Variants in PTPRT observed in about 807,000 individuals in gnomAD.
The protein encoded by PTPRT is receptor-type tyrosine-protein phosphatase T.
Under a neutral mutation model 176.8 loss-of-function variants are expected in PTPRT, and 56 were observed. That is an observed-to-expected ratio of 0.32 (90% CI 0.26 to 0.40). The LOEUF (loss-of-function observed/expected upper bound fraction) is 0.40. Ranked by LOEUF, PTPRT falls within the 10% of genes least tolerant of loss-of-function variation. PTPRT has a pLI of 1.00. For synonymous variants in PTPRT, 783 were observed against 739.0 expected, an observed-to-expected ratio of 1.06 and a Z score of -0.96; for missense variants, 1,540 against 1,908.2, an observed-to-expected ratio of 0.81 and a Z score of 3.60.
At chr20:42,329,418 C>T (rs147999277) in intron 11 of PTPRT, among the ~76,000 whole-genome samples, 29 of 151,782 alleles carry the variant, frequency 1.9e-4, no homozygotes, top group African/African-American at 7.0e-4. Flanking sequence ...GATACAGACA[C>T]AGTGACCAAC....
chr20:42,839,432 CT>C (rs2078239548), intron 2 of PTPRT, among the ~76,000 whole-genome samples: 1 of 151,962 alleles, frequency 6.6e-6, no homozygotes, highest in Admixed American at 6.6e-5. Context: ...TAAGAAATGG[CT>C]TTTTGAGCCA....
chr20:42,589,906 T>C (rs2073539158), intron 7 of PTPRT, among the ~76,000 whole-genome samples: 1 of 152,162 alleles, frequency 6.6e-6, no homozygotes, highest in Admixed American at 6.5e-5. Context: ...ACGCCACTTA[T>C]CCCACAAGTT....
chr20:42,859,363 G>C (rs932588311), intron 2 of PTPRT, among the ~76,000 whole-genome samples: 2 of 152,124 alleles, frequency 1.3e-5, no homozygotes, highest in Non-Finnish European at 2.9e-5. Flanking sequence ...TATCTGCTCA[G>C]AAACTTTTTA....
chr20:42,769,003 C>T (rs997935017), intron 5 of PTPRT, among the ~76,000 whole-genome samples: 11 of 152,212 alleles, frequency 7.2e-5, no homozygotes, highest in Admixed American at 6.5e-5. Context: ...TCTCATGACC[C>T]AGCTGAGGCA....
intron 18 of PTPRT, among the ~76,000 whole-genome samples, chr20:42,134,674 T>C (rs1988287958): frequency 6.6e-6 from 1 of 152,158 alleles, no homozygotes; most frequent in South Asian, 2.1e-4. Context: ...AAGGCCCTGA[T>C]CAGTAATGTC....
intron 18 of PTPRT, among the ~76,000 whole-genome samples, chr20:42,129,737 G>A (rs1010490776): frequency 2.0e-5 from 3 of 152,140 alleles, no homozygotes; most frequent in African/African-American, 7.2e-5. Context: ...CATCCCCAAG[G>A]GTTTTCTGGG....
At chr20:42,152,164 C>T (rs1339223921) in intron 17 of PTPRT, among the ~76,000 whole-genome samples, 1 of 152,234 alleles carries the variant, frequency 6.6e-6, no homozygotes, top group African/African-American at 2.4e-5. Flanking sequence ...AGCCAAATAT[C>T]TTGAGACAGG....
intron 2 of PTPRT, among the ~76,000 whole-genome samples, chr20:42,832,286 A>C (rs1028701067): frequency 6.6e-6 from 1 of 152,194 alleles, no homozygotes; most frequent in Non-Finnish European, 1.5e-5. Context: ...ACATGTTCTC[A>C]CTTATAAGTG....
intron 9 of PTPRT, among the ~76,000 whole-genome samples, chr20:42,410,835 G>A (rs2059008167): frequency 6.6e-6 from 1 of 152,184 alleles, no homozygotes; most frequent in Admixed American, 6.5e-5. Flanking sequence ...GGATCAAAGA[G>A]TAAATCACTA....
intron 2 of PTPRT, among the ~76,000 whole-genome samples, chr20:42,821,444 C>T (rs1399510388): frequency 3.9e-5 from 6 of 152,182 alleles, no homozygotes; most frequent in Non-Finnish European, 8.8e-5. Flanking sequence ...GACAAACCCA[C>T]AGCCAATATC....
intron 21 of PTPRT, among the ~76,000 whole-genome samples, 162 bp downstream of exon 21, chr20:42,118,241 A>G (rs928137685): frequency 2.0e-5 from 3 of 152,202 alleles, no homozygotes; most frequent in African/African-American, 7.2e-5. Context: ...AAGGGAAAGG[A>G]CATTGCTTGA....
chr20:42,556,477 T>C lies in PTPRT; in HGVS notation c.1154-83915A>G, dbSNP rs377293075. Among the ~76,000 whole-genome samples the C allele has an allele frequency of 7.2e-5, 11 of 152,248 alleles. No homozygotes were observed. The East Asian group carries it at 1.4e-3, about 19-fold the overall frequency. Reference sequence around the variant, plus strand: ...ATTGGCGGTGGAAACCCCACCTTCCTGAAACCAAGAATATCACTGCATCAC... The same window carrying C: ...ATTGGCGGTGGAAACCCCACCTTCCCGAAACCAAGAATATCACTGCATCAC... On this transcript the variant is annotated intron_variant, in intron 7 of 30. Transcript: ENST00000373187.
At chr20:42,775,593 T>C (rs1046975714) in intron 4 of PTPRT, among the ~76,000 whole-genome samples, 15 of 151,550 alleles carry the variant, frequency 9.9e-5, no homozygotes, top group African/African-American at 3.6e-4. Context: ...AAAATATAGA[T>C]GAGAGGCTTC....
intron 7 of PTPRT, among the ~76,000 whole-genome samples, chr20:42,507,603 A>G (rs528369791): frequency 2.2e-4 from 33 of 152,344 alleles, no homozygotes; most frequent in African/African-American, 7.9e-4. Context: ...ATGTCTTAAT[A>G]CATGAAATGT....
At chr20:42,751,023 G>T (rs1265476006) in intron 6 of PTPRT, among the ~76,000 whole-genome samples, 1 of 152,156 alleles carries the variant, frequency 6.6e-6, no homozygotes, top group Non-Finnish European at 1.5e-5. Flanking sequence ...GTCGCCCTGA[G>T]AATTTGATAT....
At chr20:42,418,485 T>G (rs1430075171) in intron 9 of PTPRT, among the ~76,000 whole-genome samples, 1 of 152,144 alleles carries the variant, frequency 6.6e-6, no homozygotes, top group Non-Finnish European at 1.5e-5. Flanking sequence ...AAACAATGTT[T>G]CAGAAATAAC....
At chr20:42,722,254 G>C (rs1007423965) in intron 6 of PTPRT, among the ~76,000 whole-genome samples, 2 of 152,124 alleles carry the variant, frequency 1.3e-5, no homozygotes, top group African/African-American at 4.8e-5. Flanking sequence ...CCAAGGTGAT[G>C]CCAATCCTGC....
At chr20:42,584,010 C>T (rs1254132131) in intron 7 of PTPRT, among the ~76,000 whole-genome samples, 1 of 152,144 alleles carries the variant, frequency 6.6e-6, no homozygotes, top group Non-Finnish European at 1.5e-5. Flanking sequence ...GTTAACTGAT[C>T]TGGCTGAGCC....
At chr20:42,936,218 G>A (rs1980180162) in intron 1 of PTPRT, among the ~76,000 whole-genome samples, 1 of 152,166 alleles carries the variant, frequency 6.6e-6, no homozygotes, top group African/African-American at 2.4e-5. Flanking sequence ...GAAGGGGTGG[G>A]GGCACAGGTT....
Sources: allele counts gnomAD v4.1 joint callset (sites outside exome capture counted in the v4.1 genomes callset), GRCh38; gene constraint gnomAD v4.1.1; transcripts MANE v1.5; gene names NCBI Gene and HGNC (gene_info 2026-07-23, HGNC 2026-07-21).